Variants in MAP3K4 observed in about 807,000 individuals in gnomAD.
The protein encoded by MAP3K4 is MAP three kinase 1.
MAP3K4 carries 67 observed loss-of-function variants against 185.6 expected under a neutral mutation model. The ratio of observed to expected loss-of-function variants is 0.36; its 90% CI spans 0.30 to 0.44. The LOEUF (loss-of-function observed/expected upper bound fraction) is 0.44. MAP3K4 is among the 20% of genes least tolerant of loss of function. The pLI is 1.00. For missense variants in MAP3K4, 1,551 were observed against 1,995.1 expected, an observed-to-expected ratio of 0.78 and a Z score of 4.24; for synonymous variants, 702 against 710.4, an observed-to-expected ratio of 0.99 and a Z score of 0.19.
chr6:161,041,939 T>TTAGAGATGGGG (rs1783485019), intron 2 of MAP3K4, among the ~76,000 whole-genome samples: 1 of 144,340 alleles, frequency 6.9e-6, no homozygotes, highest in Non-Finnish European at 1.5e-5. Flanking sequence ...TTTTTTTTTT[T>TTAGAGATGGGG]TAGAGATGGG....
chr6:161,088,504 C>G lies in MAP3K4; in HGVS notation c.2823+550C>G, dbSNP rs1785854369. On this transcript the variant is annotated intron_variant, in intron 10 of 26. Coordinates refer to ENST00000392142, the MANE Select transcript of MAP3K4 (RefSeq NM_005922.4). The surrounding 1 kb of genome is among the most constrained non-coding windows in gnomAD (Gnocchi z 4.5). Reference sequence around the variant, plus strand: ...CTCACCAGAACTGAGTATACACTGGCCTGCTGTATCCCTCACCCCAACAAC... The same window carrying G: ...CTCACCAGAACTGAGTATACACTGGGCTGCTGTATCCCTCACCCCAACAAC... Among the ~76,000 whole-genome samples the G allele has an allele frequency of 6.6e-6, 1 of 152,162 alleles. No homozygotes were observed. Among genetic ancestry groups the G allele is most frequent in the African/African-American group, 2.4e-5 (1 of 41,426 alleles).
rs1782453058 is a variant in MAP3K4 at position 161,022,586 on chromosome 6, G to A, written c.153-11673G>A. Among the ~76,000 whole-genome samples the A allele has an allele frequency of 6.6e-6, 1 of 152,176 alleles. No individual in the cohort carries two copies. The highest frequency in any genetic ancestry group is 1.5e-5 in the Non-Finnish European group (1 of 68,040). ...CACAGGAGAAGTGATCCTTATCAGT[G>A]TGAGCTACAAGTGAATGGTCTGCTG... On this transcript the variant is annotated intron_variant, in intron 1 of 26. Transcript: ENST00000392142. This position sits in a 1 kb window ranked among gnomAD's most constrained non-coding sequence, Gnocchi z 4.2.
At chr6:161,038,142 C>T (rs1336807143) in intron 2 of MAP3K4, among the ~76,000 whole-genome samples, 1 of 152,068 alleles carries the variant, frequency 6.6e-6, no homozygotes, top group Non-Finnish European at 1.5e-5. Flanking sequence ...TCCATTGAAT[C>T]AGCATTTGAG....
chr6:161,076,677 T>C lies in MAP3K4; in HGVS notation c.2097+3065T>C, dbSNP rs1464633808. Among the ~76,000 whole-genome samples the C allele has an allele frequency of 6.6e-6, 1 of 152,184 alleles. No homozygotes were observed. The highest frequency in any genetic ancestry group is 1.9e-4 in the East Asian group (1 of 5,190). Reference sequence around the variant, plus strand: ...ATAAGGATTGAAAATATGAAAATGATAGGCGAGATGTGGTAGTTGTAGAAG... The same window carrying C: ...ATAAGGATTGAAAATATGAAAATGACAGGCGAGATGTGGTAGTTGTAGAAG... On this transcript the variant is annotated intron_variant, in intron 5 of 26. Coordinates refer to ENST00000392142, the MANE Select transcript of MAP3K4 (RefSeq NM_005922.4). This position sits in a 1 kb window ranked among gnomAD's most constrained non-coding sequence, Gnocchi z 4.2.
At chr6:161,060,618 C>CTTT (rs35196179) in intron 3 of MAP3K4, among the ~76,000 whole-genome samples, 2 of 126,410 alleles carry the variant, frequency 1.6e-5, no homozygotes, top group Non-Finnish European at 3.3e-5. Context: ...TTTTCTTTTT[C>CTTT]TTTTTTTTTT....
chr6:161,090,019 G>A (rs1463231000), intron 11 of MAP3K4, among the ~76,000 whole-genome samples: 1 of 152,100 alleles, frequency 6.6e-6, no homozygotes, highest in Non-Finnish European at 1.5e-5. Flanking sequence ...CCATGTATCA[G>A]TCTTGATCTC....
At chr6:161,000,907 A>C (rs538634876) in intron 1 of MAP3K4, among the ~76,000 whole-genome samples, 40 of 148,640 alleles carry the variant, frequency 2.7e-4, no homozygotes, top group African/African-American at 9.9e-4. Context: ...ATATGTACAC[A>C]CACATATATA....
chr6:161,000,814 C>CACAT (rs1562471673), intron 1 of MAP3K4, among the ~76,000 whole-genome samples: 10 of 142,716 alleles, frequency 7.0e-5, no homozygotes, highest in African/African-American at 2.6e-4. Context: ...CCCATATATA[C>CACAT]ACACATGTGT....
chr6:161,044,771 A>C (rs1783644043), intron 2 of MAP3K4, among the ~76,000 whole-genome samples: 1 of 152,102 alleles, frequency 6.6e-6, no homozygotes, highest in Non-Finnish European at 1.5e-5. Flanking sequence ...CTTCTGGTGA[A>C]GCCTCAAGAA....
intron 3 of MAP3K4, among the ~76,000 whole-genome samples, chr6:161,065,938 A>C (rs1784690850): frequency 2.5e-4 from 2 of 8,152 alleles, no homozygotes; most frequent in Non-Finnish European, 4.7e-4. Context: ...ACTCCGTCTC[A>C]AAAAAAAAAA....
chr6:161,086,021 A>G lies in MAP3K4; in HGVS notation c.2373-358A>G, dbSNP rs1385159546. Among the ~76,000 whole-genome samples, 1 of 152,238 alleles carries G rather than the reference A, an allele frequency of 6.6e-6. No individual in the cohort carries two copies. Among genetic ancestry groups the G allele is most frequent in the Non-Finnish European group, 1.5e-5 (1 of 68,038 alleles). ...GTCACCCAGTTGTTAAATATTTCCC[A>G]GATCACACTGTATAGATTTCTTTTT... On this transcript the variant is annotated intron_variant, in intron 7 of 26. Transcript: ENST00000392142. The surrounding 1 kb of genome is among the most constrained non-coding windows in gnomAD (Gnocchi z 4.8).
In MAP3K4 at chr6:161,099,166, C is replaced by G. The variant is rs952304193; in HGVS notation, c.3674+739C>G. 4.6e-5 allele frequency among the ~76,000 whole-genome samples: 7 copies of G among 152,184 alleles called. No individual in the cohort carries two copies. The South Asian group carries it at 1.0e-3, about 23-fold the overall frequency. ...GGAACGCTGTCAGTATTCCCATCTT[C>G]CAATGCAAGTCAAACCAAACTATGT... On this transcript the variant is annotated intron_variant, in intron 17 of 26. Transcript: ENST00000392142.
Position 161,061,295 on chromosome 6 carries a change from T to A in MAP3K4, c.1708-9313T>A, listed in dbSNP as rs1375119047. 6.6e-6 allele frequency among the ~76,000 whole-genome samples: 1 copy of A among 152,268 alleles called. No individual in the cohort carries two copies. Among genetic ancestry groups the A allele is most frequent in the Non-Finnish European group, 1.5e-5 (1 of 68,048 alleles). ...GATTACTGGAAAACAGTTCAAGTTT[T>A]GTTTTTGACCATCCTTAGGTTATAA... On this transcript the variant is annotated intron_variant, in intron 3 of 26. Coordinates refer to ENST00000392142, the MANE Select transcript of MAP3K4 (RefSeq NM_005922.4). This position sits in a 1 kb window ranked among gnomAD's most constrained non-coding sequence, Gnocchi z 4.2.
At chr6:160,997,136 C>T (rs1017260028) in intron 1 of MAP3K4, among the ~76,000 whole-genome samples, 2 of 152,096 alleles carry the variant, frequency 1.3e-5, no homozygotes, top group Admixed American at 6.5e-5. Flanking sequence ...TTATCCTTCT[C>T]ACTTTAAGAT....
intron 2 of MAP3K4, among the ~76,000 whole-genome samples, chr6:161,047,927 T>C (rs1284968110): frequency 6.6e-6 from 1 of 152,230 alleles, no homozygotes; most frequent in Non-Finnish European, 1.5e-5. Context: ...TACATGGCAG[T>C]ATAACATACT....
Position 161,088,506 on chromosome 6 carries a change from T to C in MAP3K4, c.2823+552T>C, listed in dbSNP as rs1785854515. 6.6e-6 allele frequency among the ~76,000 whole-genome samples: 1 copy of C among 152,194 alleles called. No individual in the cohort carries two copies. Among genetic ancestry groups the C allele is most frequent in the Admixed American group, 6.5e-5 (1 of 15,280 alleles). ...CACCAGAACTGAGTATACACTGGCC[T>C]GCTGTATCCCTCACCCCAACAACTC... On this transcript the variant is annotated intron_variant, in intron 10 of 26. Coordinates refer to ENST00000392142, the MANE Select transcript of MAP3K4 (RefSeq NM_005922.4). This position sits in a 1 kb window ranked among gnomAD's most constrained non-coding sequence, Gnocchi z 4.5.
rs761532546 is a variant in MAP3K4, at chr6:161,049,013, A to G, written c.741A>G (p.Arg247=). Reference sequence around the variant, plus strand: ...CAAAGAAAAAAGACAGGGAGCAAAGAGGACAAGAAAATACGTCTGGTTTCT... The same window carrying G: ...CAAAGAAAAAAGACAGGGAGCAAAGGGGACAAGAAAATACGTCTGGTTTCT... ...SVSKKKDREQ[R]GQENTSGFWL... The change falls in exon 3 of 27, where the codon AGA becomes AGG. Residue 247 remains arginine (R), a synonymous_variant. Transcript: ENST00000392142. This position sits in a 1 kb window ranked among gnomAD's most constrained non-coding sequence, Gnocchi z 8.4. 4.8e-5 allele frequency: 78 copies of G among 1,614,040 alleles called. 3 individuals carry two copies. In the South Asian group the frequency reaches 8.6e-4, roughly 18 times the overall value.
chr6:161,026,317 A>T (rs763639157), intron 1 of MAP3K4, among the ~76,000 whole-genome samples: 25 of 150,602 alleles, frequency 1.7e-4, no homozygotes, highest in Non-Finnish European at 2.4e-4. Context: ...TTGTATGTTT[A>T]GTAAAGACGG....
At chr6:161,083,590 C>T (rs1428657545) in intron 6 of MAP3K4, among the ~76,000 whole-genome samples, 2 of 152,198 alleles carry the variant, frequency 1.3e-5, no homozygotes, top group Non-Finnish European at 2.9e-5. Flanking sequence ...CCTAAATACC[C>T]ACTACTCTTC....
Sources: gnomAD v4.1 joint callset for allele counts (sites outside exome capture counted in the v4.1 genomes callset) on GRCh38, gnomAD v4.1.1 for gene constraint, Gnocchi (gnomAD v3.1) non-coding constraint, MANE v1.5 for transcripts, NCBI Gene and HGNC (gene_info 2026-07-23, HGNC 2026-07-21) for gene names.